The following WDR41 variants were observed in gnomAD, a reference collection of about 807,000 sequenced individuals.
WDR41 encodes WD repeat domain 41, also known as WD repeat-containing protein 41.
Under a neutral mutation model 69.3 loss-of-function variants are expected in WDR41, and 63 were observed. The observed-to-expected ratio is 0.91, with a 90% CI of 0.74 to 1.12. The LOEUF (loss-of-function observed/expected upper bound fraction) is 1.12, where lower values mean the gene tolerates loss of function less well. Ranked by LOEUF, WDR41 falls within the 50% of genes most tolerant of loss-of-function variation. The pLI is 0.00. For synonymous variants in WDR41, 185 were observed against 192.1 expected (o/e 0.96, Z 0.31); for missense variants, 543 against 534.5 (o/e 1.02, Z -0.16).
chr5:77,456,479 T>C (rs910032152), intron 5 of WDR41, among the ~76,000 whole-genome samples: 10 of 152,234 alleles, frequency 6.6e-5, no homozygotes, highest in Non-Finnish European at 2.9e-5. Flanking sequence ...AGTTTGGTTG[T>C]GGACTTAGGA....
At chr5:77,502,475 A>C (rs1430792387) in intron 1 of WDR41, among the ~76,000 whole-genome samples, 1 of 152,210 alleles carries the variant, frequency 6.6e-6, no homozygotes, top group East Asian at 1.9e-4. Context: ...GAACATCCCC[A>C]ACCTAGCAAG....
At chr5:77,565,641 C>T (rs1235413225) in intron 1 of WDR41, among the ~76,000 whole-genome samples, 1 of 152,038 alleles carries the variant, frequency 6.6e-6, no homozygotes, top group African/African-American at 2.4e-5. Context: ...CCTTCCCCAT[C>T]TACCCACCAA....
chr5:77,543,379 A>AGCAAATAATTGGCAAGCCACACAT (rs1743128544), intron 1 of WDR41, among the ~76,000 whole-genome samples: 1 of 152,206 alleles, frequency 6.6e-6, no homozygotes, highest in African/African-American at 2.4e-5. Context: ...GAGAAAGGCA[A>AGCAAATAATTGGCAAGCCACACAT]AGCCCAATGT....
chr5:77,620,348 A>T (rs1248052066), intron 1 of WDR41: 1 of 373,966 alleles, frequency 2.7e-6, no homozygotes, highest in African/African-American at 2.1e-5. Flanking sequence ...AAGTCTCTTT[A>T]GTCAAAATGT....
chr5:77,566,858 G>A (rs557609262), intron 1 of WDR41, among the ~76,000 whole-genome samples: 74 of 152,254 alleles, frequency 4.9e-4, no homozygotes, highest in African/African-American at 1.7e-3. Flanking sequence ...TTTCCTAACA[G>A]TCAGCATGAT....
Position 77,512,368 on chromosome 5 carries a change from G to A in WDR41, c.43-22796C>T, listed in dbSNP as rs1205145831. ...AGAGAGAGAGTGAGTGTGTGTGTGT[G>A]TGTGTGTGTGTGTGTGTGTGTGTGT... On this transcript the variant is annotated intron_variant, in intron 1 of 5. Transcript: ENST00000509971. Among the ~76,000 whole-genome samples, 6 of 137,624 alleles carry A rather than the reference G, an allele frequency of 4.4e-5. No homozygotes were observed. In the South Asian group the frequency reaches 9.1e-4, roughly 21 times the overall value. 90.3% of individuals were successfully genotyped at this position (137,624 alleles called of 152,430 possible). A position where few individuals can be genotyped will look rare whatever the true frequency, so the allele number is the denominator to read the frequency against.
chr5:77,490,166 G>A (rs1486643460), intron 1 of WDR41, among the ~76,000 whole-genome samples: 1 of 151,870 alleles, frequency 6.6e-6, no homozygotes, highest in South Asian at 2.1e-4. Flanking sequence ...TTTTCACCAC[G>A]TTGGCGAGAC....
chr5:77,431,524 G>A lies in WDR41; in HGVS notation c.*1611C>T, dbSNP rs1288580185. ...TTTGATGTGGTCTGAAACCTAACCT[G>A]TAGTATCTCTGAGGTACGCCTGTAT... On this transcript the variant is annotated 3_prime_UTR_variant, in exon 13 of 13. Coordinates refer to ENST00000296679, the MANE Select transcript of WDR41 (RefSeq NM_018268.4). 6.6e-6 allele frequency: 1 copy of A among 152,128 alleles called. No homozygotes were observed. The highest frequency in any genetic ancestry group is 1.5e-5 in the Non-Finnish European group (1 of 68,034). The allele number at this position is 152,128 out of a possible 1,614,324, so 9.4% of individuals were successfully genotyped here. A position where few individuals can be genotyped will look rare whatever the true frequency, so the allele number is the denominator to read the frequency against.
At position 77,612,072 on chromosome 5, in the gene WDR41, C is replaced by T. The variant is rs557383065; in HGVS notation, c.42+8407G>A. 2.0e-5 allele frequency among the ~76,000 whole-genome samples: 3 copies of T among 152,262 alleles called. No individual in the cohort carries two copies. In the East Asian group the frequency reaches 5.8e-4, roughly 29 times the overall value. On this transcript the variant is annotated intron_variant, in intron 1 of 5. Transcript: ENST00000509971. ...ATGGATAAATTCCTCGACATATACA[C>T]CCTCCCAAGACTAAACCAGGAAGAA... is the stretch of plus-strand genomic sequence containing the variant.
intron 1 of WDR41, among the ~76,000 whole-genome samples, chr5:77,490,964 C>G (rs777586342): frequency 1.1e-4 from 17 of 152,222 alleles, no homozygotes; most frequent in Non-Finnish European, 2.1e-4. Context: ...ACAATCTAAA[C>G]AAATACTTCT....
In WDR41 at chr5:77,616,673, C is replaced by T. The variant is rs137887044; in HGVS notation, c.42+3806G>A. 3.1e-3 allele frequency among the ~76,000 whole-genome samples: 479 copies of T among 152,238 alleles called. 3 individuals are homozygous for T. The highest frequency in any genetic ancestry group is 6.8e-3 in the Middle Eastern group (2 of 294). On this transcript the variant is annotated intron_variant, in intron 1 of 5. Transcript: ENST00000509971. ...TCTCCTCTTGCACTCCTTACCACATCCCTCATATACCTACTCTAAATGACC... is the reference window on the plus strand; with the variant it reads ...TCTCCTCTTGCACTCCTTACCACATTCCTCATATACCTACTCTAAATGACC...
At chr5:77,464,913 C>T (rs749970263) in intron 2 of WDR41, 104 bp from the exon 3 acceptor site, 39 of 1,147,652 alleles carry the variant, frequency 3.4e-5, no homozygotes, top group Middle Eastern at 2.0e-4. Flanking sequence ...CTAATATTAA[C>T]GAAGATCAAG....
chr5:77,490,831 G>C (rs2112124275), intron 1 of WDR41, among the ~76,000 whole-genome samples: 2 of 152,264 alleles, frequency 1.3e-5, no homozygotes, highest in African/African-American at 4.8e-5. Context: ...ACAATCTCAA[G>C]GATTTAGGAT....
intron 8 of WDR41, among the ~76,000 whole-genome samples, chr5:77,441,670 A>G (rs1799172647): frequency 2.0e-5 from 3 of 152,100 alleles, no homozygotes; most frequent in Admixed American, 2.0e-4. Flanking sequence ...CCTGGGACGC[A>G]GAGGTCGCAG....
chr5:77,473,363 C>G (rs1266452937), intron 2 of WDR41, among the ~76,000 whole-genome samples: 1 of 152,120 alleles, frequency 6.6e-6, no homozygotes, highest in Non-Finnish European at 1.5e-5. Flanking sequence ...CTAGGCAATA[C>G]CATTCAGGAC....
chr5:77,582,519 G>A, intron 1 of WDR41: 1 of 1,599,278 alleles, frequency 6.3e-7, no homozygotes, highest in Admixed American at 1.7e-5. Flanking sequence ...CAAGGAGGAA[G>A]CTTATCTATG....
chr5:77,599,436 G>T (rs945166940), intron 1 of WDR41, among the ~76,000 whole-genome samples: 8 of 152,008 alleles, frequency 5.3e-5, no homozygotes, highest in Admixed American at 1.3e-4. Flanking sequence ...CTGACCTCAG[G>T]TGATCTGCCT....
chr5:77,527,509 C>A (rs1802466962), intron 1 of WDR41, among the ~76,000 whole-genome samples: 1 of 151,750 alleles, frequency 6.6e-6, no homozygotes, highest in South Asian at 2.1e-4. Context: ...TGTTACAGGA[C>A]TAGAGGTAGA....
At chr5:77,579,438 G>A (rs963548728) in intron 1 of WDR41, among the ~76,000 whole-genome samples, 1 of 152,058 alleles carries the variant, frequency 6.6e-6, no homozygotes, top group Non-Finnish European at 1.5e-5. Flanking sequence ...GTGATTAACA[G>A]CAAACTACAC....
Sources: gnomAD v4.1 joint callset for allele counts (sites outside exome capture counted in the v4.1 genomes callset) on GRCh38, gnomAD v4.1.1 for gene constraint, MANE v1.5 for transcripts, NCBI Gene and HGNC (gene_info 2026-07-23, HGNC 2026-07-21) for gene names.